DIS3L2: variants seen among roughly 807,000 people sequenced by gnomAD.
DIS3L2 encodes the protein DIS3 like 3'-5' exoribonuclease 2.
In DIS3L2, 34 loss-of-function variants were observed where a neutral mutation model predicts 97.5. The ratio of observed to expected loss-of-function variants is 0.35; its 90% CI spans 0.27 to 0.46. DIS3L2 has a LOEUF of 0.46. Among genes scored for constraint, DIS3L2 ranks in the 20% least tolerant of loss-of-function variants. The pLI is 1.00. For synonymous variants in DIS3L2, 435 were observed against 445.2 expected, an observed-to-expected ratio of 0.98 and a Z score of 0.29; for missense variants, 1,038 against 1,146.0, an observed-to-expected ratio of 0.91 and a Z score of 1.36.
chr2:232,323,448 C>T (rs1378977793), intron 14 of DIS3L2, among the ~76,000 whole-genome samples: 2 of 152,186 alleles, frequency 1.3e-5, no homozygotes, highest in African/African-American at 4.8e-5. Context: ...GGACTTCCTT[C>T]CTTTGGAGCT....
At chr2:232,165,620 G>T (rs1438512431) in intron 9 of DIS3L2, among the ~76,000 whole-genome samples, 1 of 152,178 alleles carries the variant, frequency 6.6e-6, no homozygotes, top group Admixed American at 6.5e-5. Flanking sequence ...GAATTCTTGG[G>T]CTCAAGTGAT....
intron 13 of DIS3L2, among the ~76,000 whole-genome samples, chr2:232,296,738 T>C (rs1694735012): frequency 6.6e-6 from 1 of 152,224 alleles, no homozygotes; most frequent in Non-Finnish European, 1.5e-5. Flanking sequence ...ACCTCTTTCC[T>C]TTATAAATTA....
intron 6 of DIS3L2, among the ~76,000 whole-genome samples, chr2:232,128,299 A>C (rs1299376841): frequency 2.6e-5 from 4 of 151,986 alleles, no homozygotes; most frequent in African/African-American, 9.7e-5. Context: ...TGATATTCCC[A>C]CATTAGTCTA....
At chr2:232,114,602 T>G (rs1697645024) in intron 6 of DIS3L2, among the ~76,000 whole-genome samples, 1 of 152,124 alleles carries the variant, frequency 6.6e-6, no homozygotes, top group African/African-American at 2.4e-5. Flanking sequence ...CACGTGAATC[T>G]TGTCAAGCTA....
chr2:232,283,827 A>T (rs1694358676), intron 13 of DIS3L2, among the ~76,000 whole-genome samples: 1 of 152,134 alleles, frequency 6.6e-6, no homozygotes, highest in Non-Finnish European at 1.5e-5. Context: ...CTGTGTAAGG[A>T]TGGGACAGTC....
chr2:232,136,525 A>G lies in DIS3L2; in HGVS notation c.756A>G (p.Lys252=), dbSNP rs1698362655. 6.2e-7 allele frequency: 1 copy of G among 1,613,936 alleles called. No homozygotes were observed. Residue 252 remains lysine, a synonymous_variant, in exon 8 of 21, where the codon AAA becomes AAG. Coordinates refer to ENST00000325385, the MANE Select transcript of DIS3L2 (RefSeq NM_152383.5). ...KHSRAATGFL[K]LLADKNSELF... is the part of the protein sequence containing the mutation. ...CTCGAGCAGCAACCGGCTTCCTCAA[A>G]CTCTTGGCTGATAAGAACAGCGAAC...
intron 9 of DIS3L2, among the ~76,000 whole-genome samples, chr2:232,207,467 G>C (rs1461677298): frequency 6.6e-6 from 1 of 152,168 alleles, no homozygotes; most frequent in Non-Finnish European, 1.5e-5. Context: ...ACGCATTCCA[G>C]GAGATCAGTG....
intron 10 of DIS3L2, among the ~76,000 whole-genome samples, chr2:232,230,521 G>C (rs1692760069): frequency 6.6e-6 from 1 of 152,196 alleles, no homozygotes; most frequent in Non-Finnish European, 1.5e-5. Flanking sequence ...CCAGAGCATT[G>C]TGTTCCCATC....
At chr2:232,170,137 G>A (rs928325670) in intron 9 of DIS3L2, among the ~76,000 whole-genome samples, 3 of 152,098 alleles carry the variant, frequency 2.0e-5, no homozygotes, top group Admixed American at 2.0e-4. Flanking sequence ...GAAATTTGAG[G>A]ATCAGGAAGA....
Position 232,070,318 on chromosome 2 carries a change from T to C in DIS3L2, c.367-17169T>C, listed in dbSNP as rs566383999. Among the ~76,000 whole-genome samples the C allele has an allele frequency of 4.2e-5, 6 of 142,810 alleles. No individual in the cohort carries two copies. The South Asian group carries it at 8.8e-4, about 21-fold the overall frequency. 93.7% of individuals were successfully genotyped at this position (142,810 alleles called of 152,430 possible). A position where few individuals can be genotyped will look rare whatever the true frequency, so the allele number is the denominator to read the frequency against. The stretch of plus-strand genomic sequence containing the variant: ...TCTTTCCTAGGGCTTGCTTTTCTAG[T>C]TTACCCAGATTTACTTCCTGCCTTT... On this transcript the variant is annotated intron_variant, in intron 5 of 20. Transcript: ENST00000325385.
At chr2:232,279,973 C>T (rs1393835291) in intron 13 of DIS3L2, among the ~76,000 whole-genome samples, 1 of 152,186 alleles carries the variant, frequency 6.6e-6, no homozygotes, top group Non-Finnish European at 1.5e-5. Context: ...TTTTGAAAAG[C>T]AGAAATTTTT....
intron 1 of DIS3L2, among the ~76,000 whole-genome samples, chr2:231,985,268 A>G (rs2106183839): frequency 6.6e-6 from 1 of 152,312 alleles, no homozygotes; most frequent in African/African-American, 2.4e-5. Context: ...CCCTAACCCC[A>G]TCTAAGCACT....
intron 14 of DIS3L2, among the ~76,000 whole-genome samples, chr2:232,315,927 A>G (rs187472529): frequency 6.6e-6 from 1 of 152,008 alleles, no homozygotes; most frequent in Admixed American, 6.5e-5. Flanking sequence ...CCCCACACCT[A>G]CCCCAAAGCT....
chr2:232,241,087 C>T (rs1284524342), intron 11 of DIS3L2, among the ~76,000 whole-genome samples: 4 of 152,196 alleles, frequency 2.6e-5, no homozygotes, highest in African/African-American at 4.8e-5. Context: ...GCACAAGTGG[C>T]GCCGGCCCGC....
chr2:232,272,618 A>G (rs1211686890), intron 13 of DIS3L2, among the ~76,000 whole-genome samples: 2 of 152,222 alleles, frequency 1.3e-5, no homozygotes, highest in Non-Finnish European at 2.9e-5. Context: ...TGCATATCAG[A>G]CTGAGATTAT....
chr2:232,002,609 C>T (rs1277492735), intron 1 of DIS3L2, among the ~76,000 whole-genome samples: 2 of 152,038 alleles, frequency 1.3e-5, no homozygotes, highest in South Asian at 4.2e-4. Context: ...ATTTTTAGGC[C>T]ATTTCCCCCA....
At chr2:232,303,903 G>A (rs1694924668) in intron 14 of DIS3L2, among the ~76,000 whole-genome samples, 1 of 152,168 alleles carries the variant, frequency 6.6e-6, no homozygotes, top group African/African-American at 2.4e-5. Flanking sequence ...ACAGTCCCTA[G>A]GACTTGTCCA....
chr2:232,252,563 G>T (rs1693447550), intron 12 of DIS3L2, among the ~76,000 whole-genome samples: 1 of 152,216 alleles, frequency 6.6e-6, no homozygotes, highest in Non-Finnish European at 1.5e-5. Flanking sequence ...TCAGATAATT[G>T]TGGCTATTCA....
intron 6 of DIS3L2, among the ~76,000 whole-genome samples, chr2:232,109,840 A>G (rs2106331164): frequency 6.6e-6 from 1 of 152,366 alleles, no homozygotes; most frequent in East Asian, 1.9e-4. Flanking sequence ...AAGCAATTGC[A>G]ACAAAAGCAA....
Sources: allele counts gnomAD v4.1 joint callset (sites outside exome capture counted in the v4.1 genomes callset), GRCh38; gene constraint gnomAD v4.1.1; transcripts MANE v1.5; gene names NCBI Gene and HGNC (gene_info 2026-07-23, HGNC 2026-07-21).